NKAIN1: variants seen among roughly 807,000 people sequenced by gnomAD.
NKAIN1 encodes sodium/potassium transporting ATPase interacting 1.
A neutral mutation model predicts 31.6 loss-of-function variants in NKAIN1; 13 were observed. The observed-to-expected ratio is 0.41, with a 90% CI of 0.27 to 0.65. NKAIN1 has a LOEUF of 0.65. NKAIN1 is among the 30% of genes least tolerant of loss of function. The pLI is 0.30. For synonymous variants in NKAIN1, 104 were observed against 109.0 expected (o/e 0.95, Z 0.28); for missense variants, 193 against 262.2 (o/e 0.74, Z 1.82).
At chr1:31,185,442 C>T in intron 2 of NKAIN1, 115 bp from the exon 3 acceptor site, 3 of 784,776 alleles carry the variant, frequency 3.8e-6, no homozygotes, top group East Asian at 2.7e-5. Context: ...TATGAGAATA[C>T]CTCACTCAGA....
In NKAIN1 at chr1:31,182,563, C is replaced by T. The variant is rs148810776; in HGVS notation, c.499G>A (p.Val167Met). ...TCCTCCTCCAGGAACACTTTGCTCA[C>T]GTAGCAGGCGAACACGAAGCCGAAC... ...ALFGFVFACY[V>M]SKVFLEEEDS... The change falls in exon 5 of 7, where the codon GTG becomes ATG. Residue 167 changes from valine to methionine, a missense_variant. By Grantham distance (21) the Val-to-Met change is conservative. Transcript: ENST00000373736. 1.2e-5 allele frequency: 19 copies of T among 1,614,022 alleles called. No individual in the cohort carries two copies. In the East Asian group the frequency reaches 4.0e-4, roughly 34 times the overall value.
Position 31,233,799 on chromosome 1 carries a change from T to A in NKAIN1, c.54+5695A>T, listed in dbSNP as rs1028884943. Among the ~76,000 whole-genome samples the A allele has an allele frequency of 1.3e-5, 2 of 152,118 alleles. No homozygotes were observed. Among genetic ancestry groups the A allele is most frequent in the Non-Finnish European group, 2.9e-5 (2 of 68,012 alleles). On this transcript the variant is annotated intron_variant, in intron 1 of 6. Transcript: ENST00000373736. The surrounding 1 kb of genome is among the most constrained non-coding windows in gnomAD (Gnocchi z 4.0). The stretch of plus-strand genomic sequence containing the variant: ...GTACTTGGCTATCCCGGCATCAACT[T>A]GCGAATTCCCCAAACTGCCATGGGC...
chr1:31,214,120 A>C (rs1432083750), intron 1 of NKAIN1, among the ~76,000 whole-genome samples: 1 of 152,182 alleles, frequency 6.6e-6, no homozygotes, highest in African/African-American at 2.4e-5. Flanking sequence ...AAGTATTGAT[A>C]CCTGCTACAA....
At chr1:31,234,946 C>G (rs952704126) in intron 1 of NKAIN1, among the ~76,000 whole-genome samples, 5 of 152,050 alleles carry the variant, frequency 3.3e-5, no homozygotes, top group Non-Finnish European at 7.3e-5. Flanking sequence ...ATTTCCTCAC[C>G]TGAAAAAGGG....
intron 1 of NKAIN1, among the ~76,000 whole-genome samples, chr1:31,202,714 C>T (rs1645392314): frequency 6.8e-6 from 1 of 147,694 alleles, no homozygotes; most frequent in African/African-American, 2.5e-5. Flanking sequence ...CACAGTGGCT[C>T]ACCCCTGTAA....
chr1:31,238,873 C>G (rs1015302352), intron 1 of NKAIN1, among the ~76,000 whole-genome samples: 1 of 152,226 alleles, frequency 6.6e-6, no homozygotes, highest in East Asian at 1.9e-4. Context: ...CCCAGGACTG[C>G]CCGGTCAGGA....
At chr1:31,198,624 G>A (rs1031050479) in intron 1 of NKAIN1, among the ~76,000 whole-genome samples, 1 of 151,746 alleles carries the variant, frequency 6.6e-6, no homozygotes, top group African/African-American at 2.4e-5. Flanking sequence ...CAACCCCCCT[G>A]CCCTCCACCC....
At chr1:31,238,772 A>G (rs532486941) in intron 1 of NKAIN1, among the ~76,000 whole-genome samples, 30 of 152,316 alleles carry the variant, frequency 2.0e-4, no homozygotes, top group African/African-American at 7.0e-4. Flanking sequence ...CAGCGGCCAG[A>G]CCAAAGCAGG....
chr1:31,199,556 C>G (rs572610839), intron 1 of NKAIN1, among the ~76,000 whole-genome samples: 9 of 152,256 alleles, frequency 5.9e-5, no homozygotes, highest in African/African-American at 1.9e-4. Flanking sequence ...GCTGGCCCAA[C>G]CCCCTCATTA....
chr1:31,218,059 TCTTTCTTTC>T lies in NKAIN1; in HGVS notation c.54+21426_54+21434del, dbSNP rs1170409254. ...TTCTTTCTTTCTTTCTTTCTTTCTT[TCTTTCTTTC>T]TTTTTTTTTTTTGAGATGGAGTCTC... On this transcript the variant is annotated intron_variant, in intron 1 of 6. Coordinates refer to ENST00000373736, the MANE Select transcript of NKAIN1 (RefSeq NM_024522.3). Among the ~76,000 whole-genome samples, 9 of 144,206 alleles carry T rather than the reference TCTTTCTTTC, an allele frequency of 6.2e-5. No individual in the cohort carries two copies. In the East Asian group the frequency reaches 6.4e-4, roughly 10 times the overall value. The allele number at this position is 144,206 out of a possible 152,430, so 94.6% of individuals were successfully genotyped here.
Position 31,191,953 on chromosome 1 carries a change from T to G in NKAIN1, c.55-3766A>C, listed in dbSNP as rs568069486. Reference sequence around the variant, plus strand: ...ATCACATCTGGGTAATTTTAAAATATTTTGTAGAGATTGGGTCTCACTATG... The same window carrying G: ...ATCACATCTGGGTAATTTTAAAATAGTTTGTAGAGATTGGGTCTCACTATG... On this transcript the variant is annotated intron_variant, in intron 1 of 6. Coordinates refer to ENST00000373736, the MANE Select transcript of NKAIN1 (RefSeq NM_024522.3). Among the ~76,000 whole-genome samples, 11 of 152,310 alleles carry G rather than the reference T, an allele frequency of 7.2e-5. No individual in the cohort carries two copies. The East Asian group carries it at 2.1e-3, about 29-fold the overall frequency.
intron 1 of NKAIN1, among the ~76,000 whole-genome samples, chr1:31,225,325 CTTTTTTTTT>C (rs139451212): frequency 3.8e-5 from 2 of 52,154 alleles, no homozygotes; most frequent in Non-Finnish European, 6.9e-5. Context: ...CATGCCCGGC[CTTTTTTTTT>C]TTTTTTTTTT....
intron 5 of NKAIN1, among the ~76,000 whole-genome samples, chr1:31,182,149 G>A (rs779610172): frequency 1.1e-4 from 16 of 152,108 alleles, no homozygotes; most frequent in Non-Finnish European, 2.4e-4. Flanking sequence ...GGCCTCTGGG[G>A]GTCTGGAGGC....
At chr1:31,195,069 C>T (rs1645314559) in intron 1 of NKAIN1, among the ~76,000 whole-genome samples, 1 of 150,478 alleles carries the variant, frequency 6.6e-6, no homozygotes, top group African/African-American at 2.4e-5. Context: ...CCGCGCCTGA[C>T]TCTTTCTTTT....
rs1056392051 is a variant in NKAIN1, at chr1:31,233,141, G to A, written c.54+6353C>T. 3.3e-5 allele frequency among the ~76,000 whole-genome samples: 5 copies of A among 152,108 alleles called. No homozygotes were observed. The highest frequency in any genetic ancestry group is 1.2e-4 in the African/African-American group (5 of 41,418). ...TTTTTTGTATTTTTAGTAGAGATGC[G>A]GTTTCACCACATTGGCCAGGCTGGT... On this transcript the variant is annotated intron_variant, in intron 1 of 6. Coordinates refer to ENST00000373736, the MANE Select transcript of NKAIN1 (RefSeq NM_024522.3). This position sits in a 1 kb window ranked among gnomAD's most constrained non-coding sequence, Gnocchi z 4.0.
chr1:31,225,714 T>G (rs1483144044), intron 1 of NKAIN1, among the ~76,000 whole-genome samples: 1 of 133,086 alleles, frequency 7.5e-6, no homozygotes. Flanking sequence ...AAACTAGAAT[T>G]TAAGATGTCC....
chr1:31,189,378 A>G (rs4375319), intron 1 of NKAIN1, among the ~76,000 whole-genome samples: 91,169 of 152,040 alleles, frequency 0.6, 29,099 homozygotes, highest in Middle Eastern at 0.81. Flanking sequence ...GTGCAGTGGA[A>G]CTATCTCAGC....
At chr1:31,204,401 C>A (rs1645407490) in intron 1 of NKAIN1, among the ~76,000 whole-genome samples, 1 of 152,154 alleles carries the variant, frequency 6.6e-6, no homozygotes, top group Non-Finnish European at 1.5e-5. Flanking sequence ...AGGTCCCACT[C>A]TCCCAGGACT....
In NKAIN1 at chr1:31,183,803, A is replaced by C; in HGVS notation, c.471+14T>G. ...TCGGGAAGTGTGTGTAGGGTGGGGG[A>C]CAGAAGGACTTACTGCCAGGAAGAT... On this transcript the variant is annotated intron_variant, in intron 4 of 6. Coordinates refer to ENST00000373736, the MANE Select transcript of NKAIN1 (RefSeq NM_024522.3). The C allele has an allele frequency of 6.2e-7, 1 of 1,606,474 alleles. No homozygotes were observed. Among genetic ancestry groups the C allele is most frequent in the Non-Finnish European group, 8.5e-7 (1 of 1,175,642 alleles).
Sources: allele counts gnomAD v4.1 joint callset (sites outside exome capture counted in the v4.1 genomes callset), GRCh38; gene constraint gnomAD v4.1.1; non-coding constraint Gnocchi (gnomAD v3.1); transcripts MANE v1.5; gene names NCBI Gene and HGNC (gene_info 2026-07-23, HGNC 2026-07-21).